RTN2: variants seen among roughly 807,000 people sequenced by gnomAD.
The protein encoded by RTN2 is reticulon-2.
RTN2 carries 36 observed loss-of-function variants against 63.7 expected under a neutral mutation model. The ratio of observed to expected loss-of-function variants is 0.56; its 90% CI spans 0.43 to 0.75. The LOEUF is 0.75. Among genes scored for constraint, RTN2 ranks in the 30% least tolerant of loss-of-function variants. The pLI, the probability that RTN2 is intolerant of heterozygous loss-of-function variation, is 0.00. For synonymous variants in RTN2, 312 were observed against 313.0 expected, an observed-to-expected ratio of 1.00 and a Z score of 0.03; for missense variants, 673 against 705.1, an observed-to-expected ratio of 0.95 and a Z score of 0.52.
chr19:45,495,770 C>T (rs1039912263), intron 1 of RTN2, among the ~76,000 whole-genome samples: 2 of 151,856 alleles, frequency 1.3e-5, no homozygotes, highest in Non-Finnish European at 2.9e-5. Context: ...CTGAGAGGTG[C>T]GAAGATATGA....
rs1218408137 is a variant in RTN2 at position 45,494,300 on chromosome 19, G to A, written c.680C>T (p.Ser227Leu). 14 of 1,613,966 alleles carry A rather than the reference G, an allele frequency of 8.7e-6. No individual in the cohort carries two copies. The highest frequency in any genetic ancestry group is 1.7e-5 in the Admixed American group (1 of 59,986). ...CAATGGCTCTTCGGGCCCAGAGTTC[G>A]AATCTCGCGATCGGGATGGGGACGG... ...GTPSPSRSRD[S>L]NSGPEEPLLE... The change falls in exon 4 of 11, where the codon TCG (serine) becomes TTG (leucine). Residue 227 changes from serine (S) to leucine (L), a missense_variant. Physicochemically the swap from Ser to Leu is moderately radical, Grantham distance 145. Transcript: ENST00000245923. This position sits in a 1 kb window ranked among gnomAD's most constrained non-coding sequence, Gnocchi z 5.3.
At chr19:45,493,092 A>T (rs1396315856) in intron 5 of RTN2, 68 bp downstream of exon 5, 3 of 1,400,578 alleles carry the variant, frequency 2.1e-6, no homozygotes, top group Non-Finnish European at 2.0e-6. Flanking sequence ...GATGTGCAGG[A>T]GATAAGGGCG....
Position 45,487,731 on chromosome 19 carries a change from C to G in RTN2, c.1497+740G>C, listed in dbSNP as rs559375885. ...CCAACGCGGGCAGATCACCTGAGGT[C>G]GGGAGTTGGAGACCAGCCTGGCCAG... is the stretch of plus-strand genomic sequence containing the variant. On this transcript the variant is annotated intron_variant, in intron 9 of 10. Transcript: ENST00000245923. 1.4e-4 allele frequency among the ~76,000 whole-genome samples: 21 copies of G among 149,510 alleles called. No individual in the cohort carries two copies. In the East Asian group the frequency reaches 4.2e-3, roughly 30 times the overall value.
rs923248011 is a variant in RTN2 at position 45,494,023 on chromosome 19, G to A, written c.814+143C>T. 1.4e-5 allele frequency: 18 copies of A among 1,310,126 alleles called. No homozygotes were observed. The highest frequency in any genetic ancestry group is 3.0e-5 in the African/African-American group (2 of 67,710). The allele number at this position is 1,310,126 out of a possible 1,614,324, so 81.2% of individuals were successfully genotyped here. The stretch of plus-strand genomic sequence containing the variant: ...TTTTTTAAAAAGCGGAGTTTATCAC[G>A]TCTAGCCAGATGTGATATCACGTCT... On this transcript the variant is annotated intron_variant, in intron 4 of 10. Transcript: ENST00000245923. This position sits in a 1 kb window ranked among gnomAD's most constrained non-coding sequence, Gnocchi z 5.3.
chr19:45,485,611 G>A lies in RTN2; in HGVS notation c.*97C>T, dbSNP rs1968001197. The A allele has an allele frequency of 1.0e-6, 1 of 993,312 alleles. No homozygotes were observed. 61.5% of individuals were successfully genotyped at this position (993,312 alleles called of 1,614,324 possible). On this transcript the variant is annotated 3_prime_UTR_variant, in exon 11 of 11. Transcript: ENST00000245923. ...TGACACCCACCGGGAAAAGGCTCGG[G>A]CCGAGGAGGGGGGTGGGTGGGAACG...
Position 45,494,083 on chromosome 19 carries a change from G to A in RTN2, c.814+83C>T. The A allele has an allele frequency of 6.5e-7, 1 of 1,544,322 alleles. No individual in the cohort carries two copies. Among genetic ancestry groups the A allele is most frequent in the Non-Finnish European group, 8.7e-7 (1 of 1,146,826 alleles). On this transcript the variant is annotated intron_variant, in intron 4 of 10. Coordinates refer to ENST00000245923, the MANE Select transcript of RTN2 (RefSeq NM_005619.5). The surrounding 1 kb of genome is among the most constrained non-coding windows in gnomAD (Gnocchi z 5.3). ...CTTTTCCACTATGTACTGTTCCTTT[G>A]CGAGGTTGGTCCCTTTAATTCAAAA...
In RTN2 at chr19:45,495,071, C is replaced by T. The variant is rs747081582; in HGVS notation, c.79+24G>A. The stretch of plus-strand genomic sequence containing the variant: ...CCCTGAGCTGCCCAGCCCTGAGCCC[C>T]TTCACATGCTCCCCACCACTTACCT... On this transcript the variant is annotated intron_variant, in intron 2 of 10. Coordinates refer to ENST00000245923, the MANE Select transcript of RTN2 (RefSeq NM_005619.5). 14 of 1,614,168 alleles carry T rather than the reference C, an allele frequency of 8.7e-6. No individual in the cohort carries two copies. The Admixed American group carries it at 2.3e-4, about 27-fold the overall frequency.
chr19:45,488,566 G>A, intron 8 of RTN2, 49 bp from the exon 9 acceptor site: 1 of 1,613,138 alleles, frequency 6.2e-7, no homozygotes, highest in Non-Finnish European at 8.5e-7. Context: ...GAGATGAACA[G>A]TTCCATCTGG....
rs768601206 is a variant in RTN2, at chr19:45,488,940, G to A, written c.1288C>T (p.Arg430Cys). Residue 430 changes from arginine (R) to cysteine (C), a missense_variant, in exon 7 of 11, where the codon CGT (arginine) becomes TGT (cysteine). Arg to Cys is a radical substitution (Grantham distance 180, BLOSUM62 -3). Transcript: ENST00000245923. ...DLTLTREQTE[R>C]LSHQITSRVV... ...CGGGAGGTGATCTGGTGGGACAAAC[G>A]TTCCGTCTGCTCCCGAGTCAGGGTG... 16 of 1,611,376 alleles carry A rather than the reference G, an allele frequency of 9.9e-6. No homozygotes were observed. Among genetic ancestry groups the A allele is most frequent in the Middle Eastern group, 1.6e-4 (1 of 6,072 alleles).
chr19:45,491,867 G>C lies in RTN2; in HGVS notation c.1033+1293C>G, dbSNP rs545030000. Among the ~76,000 whole-genome samples the C allele has an allele frequency of 1.3e-4, 20 of 151,778 alleles. 1 individual carries two copies. The South Asian group carries it at 4.0e-3, about 30-fold the overall frequency. On this transcript the variant is annotated intron_variant, in intron 5 of 10. Transcript: ENST00000245923. ...CCAGGTTGAATTCCTGGCTTCAAGT[G>C]ATCCTCCCACCTCGGCCTCCCAAAG...
In RTN2 at chr19:45,488,952, C is replaced by T. The variant is rs1189884938; in HGVS notation, c.1276G>A (p.Glu426Lys). Residue 426 changes from glutamate (E) to lysine (K), a missense_variant, in exon 7 of 11, where the codon GAG becomes AAG. Coordinates refer to ENST00000245923, the MANE Select transcript of RTN2 (RefSeq NM_005619.5). ...TGGTGGGACAAACGTTCCGTCTGCT[C>T]CCGAGTCAGGGTGAGGTCCACATCC... ...YLDVDLTLTR[E>K]QTERLSHQIT... The T allele has an allele frequency of 1.9e-6, 3 of 1,611,626 alleles. No individual in the cohort carries two copies. The Admixed American group carries it at 5.0e-5, about 27-fold the overall frequency.
intron 5 of RTN2, among the ~76,000 whole-genome samples, chr19:45,491,380 G>A (rs1297511111): frequency 9.5e-6 from 1 of 105,638 alleles, no homozygotes; most frequent in African/African-American, 3.7e-5. Context: ...TTTTTTTTTT[G>A]GACAAAGTCT....
chr19:45,487,990 C>T (rs1306197697), intron 9 of RTN2, among the ~76,000 whole-genome samples: 4 of 143,020 alleles, frequency 2.8e-5, no homozygotes, highest in South Asian at 2.2e-4. Flanking sequence ...CAGTGGCTCA[C>T]GCCTGTAATC....
Position 45,488,890 on chromosome 19 carries a change from C to G in RTN2, c.1338G>C (p.Leu446=). 6.2e-7 allele frequency: 1 copy of G among 1,606,290 alleles called. No homozygotes were observed. The highest frequency in any genetic ancestry group is 8.5e-7 in the Non-Finnish European group (1 of 1,177,016). ...GGTCTTCTACCAGGAAGAAGTGCCGCAGCTGCGTGGCCGCCGAGACCACGC... is the reference window on the plus strand; with the variant it reads ...GGTCTTCTACCAGGAAGAAGTGCCGGAGCTGCGTGGCCGCCGAGACCACGC... ...TSRVVSAATQ[L]RHFFLVEDLV... Residue 446 remains leucine (L), a synonymous_variant, in exon 7 of 11, where the codon CTG becomes CTC. Transcript: ENST00000245923.
chr19:45,493,804 C>T (rs1968211880), intron 4 of RTN2: 2 of 288,554 alleles, frequency 6.9e-6, no homozygotes, highest in East Asian at 1.0e-4. Context: ...AGTGCAGTGG[C>T]GCGATCTTGG....
In RTN2 at chr19:45,488,737, C is replaced by T. The variant is rs749922636; in HGVS notation, c.1381-31G>A. 4.4e-6 allele frequency: 7 copies of T among 1,608,864 alleles called. No homozygotes were observed. The East Asian group carries it at 1.6e-4, about 36-fold the overall frequency. On this transcript the variant is annotated intron_variant, in intron 7 of 10. Coordinates refer to ENST00000245923, the MANE Select transcript of RTN2 (RefSeq NM_005619.5). ...GGTGAAGGTCAGGGTCAGCAGAGCC[C>T]ACCGGGAATTCCCTCTCATGCTGTG...
At chr19:45,491,143 GCCT>G (rs1382882406) in intron 5 of RTN2, among the ~76,000 whole-genome samples, 1 of 151,482 alleles carries the variant, frequency 6.6e-6, no homozygotes, top group East Asian at 1.9e-4. Context: ...ACCCACCTTG[GCCT>G]CCAAAAGTGC....
chr19:45,493,292 T>C lies in RTN2; in HGVS notation c.901A>G (p.Thr301Ala). The C allele has an allele frequency of 8.1e-6, 13 of 1,612,334 alleles. No individual in the cohort carries two copies. Among genetic ancestry groups the C allele is most frequent in the Non-Finnish European group, 1.1e-5 (13 of 1,179,450 alleles). ...CCCCTTTGGACCCAGCCAATGGCTG[T>C]CCACAGAGGTGGGGACAATTCCAAA... is the stretch of plus-strand genomic sequence containing the variant. ...PILELSPPLW[T>A]AIGWVQRGPT... is the part of the protein sequence containing the mutation. Residue 301 changes from threonine (T) to alanine (A), a missense_variant, in exon 5 of 11, where the codon ACA (threonine) becomes GCA (alanine). Transcript: ENST00000245923.
chr19:45,492,203 T>C (rs755896800), intron 5 of RTN2, among the ~76,000 whole-genome samples: 8 of 152,094 alleles, frequency 5.3e-5, no homozygotes, highest in African/African-American at 1.7e-4. Flanking sequence ...TCTGAGACCC[T>C]AAAACACACC....
Sources: gnomAD v4.1 joint callset for allele counts (sites outside exome capture counted in the v4.1 genomes callset) on GRCh38, gnomAD v4.1.1 for gene constraint, Gnocchi (gnomAD v3.1) non-coding constraint, MANE v1.5 for transcripts, NCBI Gene and HGNC (gene_info 2026-07-23, HGNC 2026-07-21) for gene names.